The following PLCG1 variants were observed in gnomAD, a reference collection of about 807,000 sequenced individuals.
PLCG1 encodes the protein phospholipase C gamma 1.
PLCG1 carries 71 observed loss-of-function variants against 177.8 expected under a neutral mutation model. The ratio of observed to expected loss-of-function variants is 0.40; its 90% confidence interval spans 0.33 to 0.49. The LOEUF (loss-of-function observed/expected upper bound fraction) is 0.49. Ranked by LOEUF, PLCG1 falls within the 20% of genes least tolerant of loss-of-function variation. The probability of loss-of-function intolerance (pLI) is 0.72; values close to 1 mark genes in which losing one functional copy is unlikely to be tolerated. For synonymous variants in PLCG1, 658 were observed against 647.9 expected (o/e 1.02, Z -0.24); for missense variants, 1,281 against 1,709.0 (o/e 0.75, Z 4.42).
In PLCG1 at chr20:41,167,671, AG is replaced by A. The variant is rs2035747321; in HGVS notation, c.2302-178del. On this transcript the variant is annotated intron_variant, in intron 19 of 31. Transcript: ENST00000685551. The surrounding 1 kb of genome is among the most constrained non-coding windows in gnomAD (Gnocchi z 4.4). ...ACATGTAAGAATGTGAAGAAAGGAAAGGGAACAGTGAGGCCGGGCCTGAGGC... is the reference window on the plus strand; with the variant it reads ...ACATGTAAGAATGTGAAGAAAGGAAAGGAACAGTGAGGCCGGGCCTGAGGC... 1.7e-6 allele frequency: 1 copy of A among 596,450 alleles called. No homozygotes were observed. The highest frequency in any genetic ancestry group is 3.0e-6 in the Non-Finnish European group (1 of 333,668). The allele number at this position is 596,450 out of a possible 1,614,324, so 36.9% of individuals were successfully genotyped here. A position where few individuals can be genotyped will look rare whatever the true frequency, so the allele number is the denominator to read the frequency against.
In PLCG1 at chr20:41,159,578, G is replaced by A; in HGVS notation, c.218-28G>A. ...TGTTGACTCTGGGAGACCCCAGCTT[G>A]ATCTTGGCCTCTTTGCTACCTTCCT... On this transcript the variant is annotated intron_variant, in intron 1 of 31. Coordinates refer to ENST00000685551, the MANE Select transcript of PLCG1 (RefSeq NM_002660.3). This position sits in a 1 kb window ranked among gnomAD's most constrained non-coding sequence, Gnocchi z 6.0. 1 of 1,610,330 alleles carries A rather than the reference G, an allele frequency of 6.2e-7. No homozygotes were observed. Among genetic ancestry groups the A allele is most frequent in the South Asian group, 1.1e-5 (1 of 90,782 alleles).
chr20:41,163,393 G>A lies in PLCG1; in HGVS notation c.805G>A (p.Asp269Asn). The stretch of plus-strand genomic sequence containing the variant: ...ACCCCATCAGGAGCTGTGGGCTGTT[G>A]ATCGCCTCCAGGTGCAGGAGTTCAT... ...LDYQGELWAVDRLQVQEFMLS... is the reference protein window; with the variant it reads ...LDYQGELWAVNRLQVQEFMLS... The change falls in exon 9 of 32, where the codon GAT becomes AAT. Residue 269 changes from aspartate (D) to asparagine (N), a missense_variant. This residue lies in a region of PLCG1 where 374 missense variants were observed against 443.8 expected (regional missense o/e 0.84). Transcript: ENST00000685551. The surrounding 1 kb of genome is among the most constrained non-coding windows in gnomAD (Gnocchi z 5.2). 2.5e-6 allele frequency: 4 copies of A among 1,613,248 alleles called. No individual in the cohort carries two copies. The highest frequency in any genetic ancestry group is 3.4e-6 in the Non-Finnish European group (4 of 1,179,394).
intron 1 of PLCG1, among the ~76,000 whole-genome samples, chr20:41,138,550 C>T (rs547456119): frequency 6.6e-6 from 1 of 151,150 alleles, no homozygotes; most frequent in Non-Finnish European, 1.5e-5. Flanking sequence ...TGGGCAGACA[C>T]TCAATGCCAG....
In PLCG1 at chr20:41,156,030, C is replaced by T. The variant is rs530786642; in HGVS notation, c.218-3576C>T. Among the ~76,000 whole-genome samples, 1 of 152,136 alleles carries T rather than the reference C, an allele frequency of 6.6e-6. No homozygotes were observed. The highest frequency in any genetic ancestry group is 2.4e-5 in the African/African-American group (1 of 41,420). On this transcript the variant is annotated intron_variant, in intron 1 of 31. Transcript: ENST00000685551. This position sits in a 1 kb window ranked among gnomAD's most constrained non-coding sequence, Gnocchi z 5.0. The stretch of plus-strand genomic sequence containing the variant: ...TCAGGGCAGGGAGCAGAGCAAGGCC[C>T]CAGGATTCTGCCTGGGGCACCAGGA...
rs543218136 is a variant in PLCG1 at position 41,177,468 on chromosome 20, T to C, written c.*2959T>C. On this transcript the variant is annotated 3_prime_UTR_variant, in exon 32 of 32. Transcript: ENST00000685551. ...GAGAGCTTGAACATCACTAAGGACC[T>C]AGACACTCACTTGTCTTTCAACTTG... 1.3e-5 allele frequency: 2 copies of C among 152,382 alleles called. No individual in the cohort carries two copies. Among genetic ancestry groups the C allele is most frequent in the South Asian group, 4.1e-4 (2 of 4,830 alleles). The allele number at this position is 152,382 out of a possible 1,614,324, so 9.4% of individuals were successfully genotyped here.
In PLCG1 at chr20:41,168,580, G is replaced by T. The variant is rs188775924; in HGVS notation, c.2380-187G>T. Among the ~76,000 whole-genome samples, 255 of 152,326 alleles carry T rather than the reference G, an allele frequency of 1.7e-3. 1 individual carries two copies. The highest frequency in any genetic ancestry group is 1.9e-3 in the Non-Finnish European group (131 of 68,028). ...AGGCCCTGCCTCTCTGATCATATCT[G>T]TCCTGGAGCTTCCCTGCAGGGCAGT... On this transcript the variant is annotated intron_variant, in intron 20 of 31. Transcript: ENST00000685551.
chr20:41,172,170 C>T lies in PLCG1; in HGVS notation c.2809-23C>T. 1 of 1,584,710 alleles carries T rather than the reference C, an allele frequency of 6.3e-7. No individual in the cohort carries two copies. Among genetic ancestry groups the T allele is most frequent in the South Asian group, 1.1e-5 (1 of 90,498 alleles). On this transcript the variant is annotated intron_variant, in intron 24 of 31. Transcript: ENST00000685551. The surrounding 1 kb of genome is among the most constrained non-coding windows in gnomAD (Gnocchi z 7.0). ...TGGGCAGGGCTGTAGCCTGGGGCTACAGGGCCTTGTGTGTGTCACCAGCTC... is the reference window on the plus strand; with the variant it reads ...TGGGCAGGGCTGTAGCCTGGGGCTATAGGGCCTTGTGTGTGTCACCAGCTC...
intron 4 of PLCG1, 120 bp from the exon 5 acceptor site, chr20:41,162,332 C>G (rs1032598774): frequency 1.7e-6 from 1 of 595,640 alleles, no homozygotes; most frequent in African/African-American, 1.9e-5. Context: ...GTCTTGCCCT[C>G]AGGCCTCCAG....
rs6016521 is a variant in PLCG1, at chr20:41,165,107, G to A, written c.1386+6G>A. ...AGAGGAAGATCCTCATCAAGGTGGG[G>A]TGGCGGGCTTATTGCGGAAGCCCCA... is the stretch of plus-strand genomic sequence containing the variant. On this transcript the variant is annotated splice_donor_region_variant and intron_variant, in intron 13 of 31. Transcript: ENST00000685551. This position sits in a 1 kb window ranked among gnomAD's most constrained non-coding sequence, Gnocchi z 6.6. 1 of 1,610,874 alleles carries A rather than the reference G, an allele frequency of 6.2e-7. No homozygotes were observed. The highest frequency in any genetic ancestry group is 8.5e-7 in the Non-Finnish European group (1 of 1,177,730).
At position 41,174,663 on chromosome 20, in the gene PLCG1, C is replaced by A; in HGVS notation, c.*154C>A. On this transcript the variant is annotated 3_prime_UTR_variant, in exon 32 of 32. Transcript: ENST00000685551. This position sits in a 1 kb window ranked among gnomAD's most constrained non-coding sequence, Gnocchi z 5.8. ...AGTGAATGCTAGACAGAAACCAAGC[C>A]ATTAATGAGATGTTATTACTGTTTT... 1.5e-6 allele frequency: 1 copy of A among 677,072 alleles called. No individual in the cohort carries two copies. The highest frequency in any genetic ancestry group is 2.6e-6 in the Non-Finnish European group (1 of 383,504). The allele number at this position is 677,072 out of a possible 1,614,324, so 41.9% of individuals were successfully genotyped here. A position where few individuals can be genotyped will look rare whatever the true frequency, so the allele number is the denominator to read the frequency against.
Position 41,172,176 on chromosome 20 carries a change from C to G in PLCG1, c.2809-17C>G. Reference sequence around the variant, plus strand: ...GGGCTGTAGCCTGGGGCTACAGGGCCTTGTGTGTGTCACCAGCTCACTGAA... The same window carrying G: ...GGGCTGTAGCCTGGGGCTACAGGGCGTTGTGTGTGTCACCAGCTCACTGAA... On this transcript the variant is annotated splice_polypyrimidine_tract_variant and intron_variant, in intron 24 of 31. Transcript: ENST00000685551. This position sits in a 1 kb window ranked among gnomAD's most constrained non-coding sequence, Gnocchi z 7.0. 1 of 1,599,756 alleles carries G rather than the reference C, an allele frequency of 6.3e-7. No homozygotes were observed. Among genetic ancestry groups the G allele is most frequent in the Non-Finnish European group, 8.6e-7 (1 of 1,166,880 alleles).
chr20:41,141,937 C>T (rs2034844254), intron 1 of PLCG1, among the ~76,000 whole-genome samples: 1 of 152,228 alleles, frequency 6.6e-6, no homozygotes, highest in African/African-American at 2.4e-5. Context: ...TCTTGGCTAC[C>T]AGCTTTGCTC....
In PLCG1 at chr20:41,147,506, A is replaced by G. The variant is rs1015701872; in HGVS notation, c.217+9648A>G. On this transcript the variant is annotated intron_variant, in intron 1 of 31. Coordinates refer to ENST00000685551, the MANE Select transcript of PLCG1 (RefSeq NM_002660.3). This position sits in a 1 kb window ranked among gnomAD's most constrained non-coding sequence, Gnocchi z 4.0. Reference sequence around the variant, plus strand: ...ATAGGTTATTCAACTTCAACTTCAGAGAAAGAAATCCAAGGTAGCCATCTC... The same window carrying G: ...ATAGGTTATTCAACTTCAACTTCAGGGAAAGAAATCCAAGGTAGCCATCTC... Among the ~76,000 whole-genome samples, 2 of 152,248 alleles carry G rather than the reference A, an allele frequency of 1.3e-5. No individual in the cohort carries two copies. The highest frequency in any genetic ancestry group is 2.9e-5 in the Non-Finnish European group (2 of 68,046).
At position 41,137,622 on chromosome 20, in the gene PLCG1, C is replaced by A; in HGVS notation, c.-20C>A. The A allele has an allele frequency of 7.6e-7, 1 of 1,311,594 alleles. No homozygotes were observed. Among genetic ancestry groups the A allele is most frequent in the Non-Finnish European group, 9.7e-7 (1 of 1,027,864 alleles). The allele number at this position is 1,311,594 out of a possible 1,614,324, so 81.2% of individuals were successfully genotyped here. On this transcript the variant is annotated 5_prime_UTR_variant, in exon 1 of 32. Transcript: ENST00000685551. The surrounding 1 kb of genome is among the most constrained non-coding windows in gnomAD (Gnocchi z 7.3). ...CGGGCGGTCCTGGCCTGTGCCGCCGCCGCCCCCAGCGTCGGAGCCATGGCG... is the reference window on the plus strand; with the variant it reads ...CGGGCGGTCCTGGCCTGTGCCGCCGACGCCCCCAGCGTCGGAGCCATGGCG...
Position 41,163,622 on chromosome 20 carries a change from A to C in PLCG1, c.892-93A>C, listed in dbSNP as rs1392725650. 4.6e-6 allele frequency: 5 copies of C among 1,091,576 alleles called. No homozygotes were observed. The highest frequency in any genetic ancestry group is 7.0e-6 in the Non-Finnish European group (5 of 710,826). 67.6% of individuals were successfully genotyped at this position (1,091,576 alleles called of 1,614,324 possible). On this transcript the variant is annotated intron_variant, in intron 9 of 31. Coordinates refer to ENST00000685551, the MANE Select transcript of PLCG1 (RefSeq NM_002660.3). The surrounding 1 kb of genome is among the most constrained non-coding windows in gnomAD (Gnocchi z 5.2). ...TGCACCTTGCCCACCCCCAGTTGGG[A>C]CAGAGCACTCTCTCTCCTACCCCCA...
chr20:41,160,245 AGGACCCAGG>A lies in PLCG1; in HGVS notation c.512+98_512+106del. On this transcript the variant is annotated intron_variant, in intron 4 of 31. Transcript: ENST00000685551. The surrounding 1 kb of genome is among the most constrained non-coding windows in gnomAD (Gnocchi z 5.5). ...TCTAAGTAGCTGCCCGGAGAGCCAG[AGGACCCAGG>A]GGACCTTAAGTGGGGCCAGGAGGGT... 8.3e-7 allele frequency: 1 copy of A among 1,200,828 alleles called. No individual in the cohort carries two copies. Among genetic ancestry groups the A allele is most frequent in the Non-Finnish European group, 1.2e-6 (1 of 812,738 alleles). The allele number at this position is 1,200,828 out of a possible 1,614,324, so 74.4% of individuals were successfully genotyped here.
intron 24 of PLCG1, among the ~76,000 whole-genome samples, chr20:41,171,543 C>T (rs1374136066): frequency 2.1e-5 from 3 of 144,386 alleles, no homozygotes; most frequent in Admixed American, 7.1e-5. Context: ...GCCGAGATCA[C>T]GCCACTGAAC....
At chr20:41,149,777 G>T (rs953021402) in intron 1 of PLCG1, among the ~76,000 whole-genome samples, 1 of 152,154 alleles carries the variant, frequency 6.6e-6, no homozygotes, top group African/African-American at 2.4e-5. Flanking sequence ...GGCCTGTAGC[G>T]CACAAAGAAG....
In PLCG1 at chr20:41,173,991, A is replaced by G. The variant is rs200775105; in HGVS notation, c.3625A>G (p.Ile1209Val). The change falls in exon 30 of 32, where the codon ATT (isoleucine) becomes GTT (valine). Residue 1209 changes from isoleucine (I) to valine (V), a missense_variant. This residue lies in a region of PLCG1 where 153 missense variants were observed against 153.2 expected (regional missense o/e 1.00). Coordinates refer to ENST00000685551, the MANE Select transcript of PLCG1 (RefSeq NM_002660.3). This position sits in a 1 kb window ranked among gnomAD's most constrained non-coding sequence, Gnocchi z 6.2. ...GGAGTTGGCCTCCCTGCTGATCAAG[A>G]TTGACATTTTCCCTGCCAAGGTATC... ...DLELASLLIK[I>V]DIFPAKQENG... 136 of 1,614,064 alleles carry G rather than the reference A, an allele frequency of 8.4e-5. No homozygotes were observed. The Middle Eastern group carries it at 1.2e-3, about 14-fold the overall frequency.
Sources: gnomAD v4.1 joint callset for allele counts (sites outside exome capture counted in the v4.1 genomes callset) on GRCh38, gnomAD v4.1.1 for gene constraint, gnomAD v4.1.1 regional missense constraint, Gnocchi (gnomAD v3.1) non-coding constraint, MANE v1.5 for transcripts, NCBI Gene and HGNC (gene_info 2026-07-23, HGNC 2026-07-21) for gene names.